ZFP1: variants seen among roughly 807,000 people sequenced by gnomAD.
ZFP1 encodes ZFP1 zinc finger protein.
Under a neutral mutation model 38.5 loss-of-function variants are expected in ZFP1, and 32 were observed. The ratio of observed to expected loss-of-function variants is 0.83; its 90% CI spans 0.63 to 1.12. The LOEUF is 1.12. Ranked by LOEUF, ZFP1 falls within the 50% of genes most tolerant of loss-of-function variation. The pLI is 0.00. For missense variants in ZFP1, 616 were observed against 480.8 expected (o/e 1.28, Z -2.63); for synonymous variants, 245 against 168.8 (o/e 1.45, Z -3.50).
At chr16:75,143,970 T>G (rs1397393164), upstream of ZFP1, 1 of 152,166 alleles carries the variant, frequency 6.6e-6, no homozygotes, top group African/African-American at 2.4e-5. Context: ...GTGATATTAA[T>G]GTAGTTGTTT....
chr16:75,139,875 G>A, the ZFP1 span, among the ~76,000 whole-genome samples: 1 of 152,206 alleles, frequency 6.6e-6, no homozygotes, highest in Non-Finnish European at 1.5e-5. Flanking sequence ...AGTGGGGATA[G>A]TTGCGCGATA....
chr16:75,143,671 A>ATTTTC (rs2036911426), upstream of ZFP1, among the ~76,000 whole-genome samples: 1 of 17,482 alleles, frequency 5.7e-5, no homozygotes, highest in South Asian at 1.3e-3. Flanking sequence ...TTTTTTTTTG[A>ATTTTC]GACATAGTCT....
At chr16:75,167,023 G>C in intron 3 of ZFP1, 127 bp downstream of exon 3, 2 of 1,485,698 alleles carry the variant, frequency 1.3e-6, no homozygotes, top group African/African-American at 2.8e-5. Context: ...TTAAACCTGA[G>C]AGATCTTGCA....
the ZFP1 span, among the ~76,000 whole-genome samples, chr16:75,142,158 C>T: frequency 1.3e-5 from 2 of 150,174 alleles, no homozygotes; most frequent in Non-Finnish European, 3.0e-5. Flanking sequence ...GAGATCGACA[C>T]CATCCTGGCC....
At chr16:75,148,120 A>G (rs2036979864), upstream of ZFP1, among the ~76,000 whole-genome samples, 1 of 152,216 alleles carries the variant, frequency 6.6e-6, no homozygotes, top group Non-Finnish European at 1.5e-5. Flanking sequence ...TGTAACAACA[A>G]CAAAAAAATC....
the ZFP1 span, among the ~76,000 whole-genome samples, chr16:75,133,890 A>C: frequency 1.3e-5 from 2 of 151,952 alleles, no homozygotes; most frequent in Non-Finnish European, 2.9e-5. Context: ...CTGTAATAAA[A>C]ATACAAAAAT....
At position 75,154,575 on chromosome 16, in the gene ZFP1, T is replaced by G. The variant is rs1403785855; in HGVS notation, c.15+1609T>G. On this transcript the variant is annotated intron_variant, in intron 2 of 3. Coordinates refer to ENST00000570010, the MANE Select transcript of ZFP1 (RefSeq NM_153688.4). ...ATTCTCACCAGCAATGAATGAGAGTTTTTTTTTTTTTTTTTTTTTGGTTTT... is the reference window on the plus strand; with the variant it reads ...ATTCTCACCAGCAATGAATGAGAGTGTTTTTTTTTTTTTTTTTTTGGTTTT... 6.6e-4 allele frequency among the ~76,000 whole-genome samples: 6 copies of G among 9,140 alleles called. No homozygotes were observed. In the East Asian group the frequency reaches 0.013, roughly 20 times the overall value. 6.0% of individuals were successfully genotyped at this position (9,140 alleles called of 152,430 possible). A position where few individuals can be genotyped will look rare whatever the true frequency, so the allele number is the denominator to read the frequency against.
the ZFP1 span, among the ~76,000 whole-genome samples, chr16:75,123,382 G>GTGTATATATATATATATA: frequency 7.3e-6 from 1 of 137,668 alleles, no homozygotes; most frequent in Non-Finnish European, 1.5e-5. Flanking sequence ...ATATATATAT[G>GTGTATATATATATATATA]TGTATATATA....
rs1261229429 is a variant in ZFP1 at position 75,171,444 on chromosome 16, A to C, written c.*1110A>C. On this transcript the variant is annotated 3_prime_UTR_variant, in exon 4 of 4. Transcript: ENST00000570010. ...TAAAGGAGGCATTTCTACTTCCTTGAGTTTTGCTGTTGCCAACCTAAAACA... is the reference window on the plus strand; with the variant it reads ...TAAAGGAGGCATTTCTACTTCCTTGCGTTTTGCTGTTGCCAACCTAAAACA... The C allele has an allele frequency of 6.6e-6, 1 of 152,190 alleles. No homozygotes were observed. Among genetic ancestry groups the C allele is most frequent in the Non-Finnish European group, 1.5e-5 (1 of 68,026 alleles). The allele number at this position is 152,190 out of a possible 1,614,324, so 9.4% of individuals were successfully genotyped here. A position where few individuals can be genotyped will look rare whatever the true frequency, so the allele number is the denominator to read the frequency against.
the ZFP1 span, among the ~76,000 whole-genome samples, chr16:75,140,320 G>A: frequency 6.6e-6 from 1 of 151,406 alleles, no homozygotes. Flanking sequence ...TCTAATCCCA[G>A]CACCTTGGGA....
chr16:75,154,188 A>C (rs796669048), intron 2 of ZFP1, among the ~76,000 whole-genome samples: 24 of 151,552 alleles, frequency 1.6e-4, no homozygotes, highest in African/African-American at 5.8e-4. Flanking sequence ...CGCGCCACTG[A>C]ACTCCAGCCT....
At chr16:75,165,354 C>T (rs182225225) in intron 2 of ZFP1, among the ~76,000 whole-genome samples, 1 of 152,104 alleles carries the variant, frequency 6.6e-6, no homozygotes, top group African/African-American at 2.4e-5. Context: ...GAGAAATTAG[C>T]TGTCAGGTTT....
At chr16:75,167,003 T>C in intron 3 of ZFP1, 107 bp downstream of exon 3, 2 of 1,515,834 alleles carry the variant, frequency 1.3e-6, no homozygotes, top group Non-Finnish European at 1.8e-6. Flanking sequence ...TTGGCCTAAG[T>C]CCTCAGGTAT....
chr16:75,167,451 GAAACTTTCCTA>G (rs1476425445), intron 3 of ZFP1, among the ~76,000 whole-genome samples: 2 of 150,812 alleles, frequency 1.3e-5, no homozygotes, highest in African/African-American at 2.5e-5. Context: ...CTTGAACCCT[GAAACTTTCCTA>G]ACATATCTTA....
At chr16:75,162,869 A>T (rs568103375) in intron 2 of ZFP1, among the ~76,000 whole-genome samples, 1 of 151,876 alleles carries the variant, frequency 6.6e-6, no homozygotes, top group Non-Finnish European at 1.5e-5. Context: ...TGGTTTTAAA[A>T]TTTATATTAC....
rs981693858 is a variant in ZFP1, at chr16:75,170,865, C to A, written c.*531C>A. The A allele has an allele frequency of 2.0e-5, 3 of 152,430 alleles. No individual in the cohort carries two copies. Among genetic ancestry groups the A allele is most frequent in the Non-Finnish European group, 2.9e-5 (2 of 68,234 alleles). The allele number at this position is 152,430 out of a possible 1,614,324, so 9.4% of individuals were successfully genotyped here. A position where few individuals can be genotyped will look rare whatever the true frequency, so the allele number is the denominator to read the frequency against. The stretch of plus-strand genomic sequence containing the variant: ...ATGAAATGTGTAACATTTAAAGTAG[C>A]ATGGAACCTACGTCTTTCCCTACTG... On this transcript the variant is annotated 3_prime_UTR_variant, in exon 4 of 4. Transcript: ENST00000570010.
At chr16:75,129,382 A>G in the ZFP1 span, among the ~76,000 whole-genome samples, 10 of 152,320 alleles carry the variant, frequency 6.6e-5, no homozygotes, top group African/African-American at 2.4e-4. Context: ...AAAAGGGGGA[A>G]TGTGAAGGAA....
chr16:75,170,386 G>T lies in ZFP1; in HGVS notation c.*52G>T. The stretch of plus-strand genomic sequence containing the variant: ...AACTCCTGCCAGAACTCTTCAAGCG[G>T]GTGAAAAACCTCATGACAGTATTGA... On this transcript the variant is annotated 3_prime_UTR_variant, in exon 4 of 4. Coordinates refer to ENST00000570010, the MANE Select transcript of ZFP1 (RefSeq NM_153688.4). The T allele has an allele frequency of 2.0e-6, 3 of 1,502,122 alleles. No individual in the cohort carries two copies. The highest frequency in any genetic ancestry group is 4.6e-5 in the East Asian group (2 of 43,860). The allele number at this position is 1,502,122 out of a possible 1,614,324, so 93.0% of individuals were successfully genotyped here.
At chr16:75,167,465 A>G (rs546165668) in intron 3 of ZFP1, among the ~76,000 whole-genome samples, 15 of 151,410 alleles carry the variant, frequency 9.9e-5, no homozygotes, top group East Asian at 1.9e-4. Flanking sequence ...CTTTCCTAAC[A>G]TATCTTAAAC....
Sources: allele counts gnomAD v4.1 joint callset (sites outside exome capture counted in the v4.1 genomes callset), GRCh38; gene constraint gnomAD v4.1.1; transcripts MANE v1.5; gene names NCBI Gene and HGNC (gene_info 2026-07-23, HGNC 2026-07-21).